The following GABRA2 variants were observed in gnomAD, a reference collection of about 807,000 sequenced individuals.
GABRA2 encodes the protein gamma-aminobutyric acid type A receptor subunit alpha2.
Under a neutral mutation model 48.7 loss-of-function variants are expected in GABRA2, and 16 were observed. The observed-to-expected ratio is 0.33, with a 90% CI of 0.22 to 0.50. The LOEUF (loss-of-function observed/expected upper bound fraction) is 0.50. GABRA2 is among the 20% of genes least tolerant of loss of function. GABRA2 has a pLI of 0.98. For synonymous variants in GABRA2, 185 were observed against 184.5 expected (o/e 1.00, Z -0.02); for missense variants, 275 against 535.6 (o/e 0.51, Z 4.80).
At chr4:46,383,189 ATATAT>A (rs1269869784) in intron 3 of GABRA2, among the ~76,000 whole-genome samples, 13 of 152,290 alleles carry the variant, frequency 8.5e-5, no homozygotes, top group Non-Finnish European at 1.3e-4. Context: ...AATTCATTGC[ATATAT>A]TATATTTAAT....
chr4:46,275,464 G>A (rs1159725265), intron 8 of GABRA2, among the ~76,000 whole-genome samples: 1 of 152,040 alleles, frequency 6.6e-6, no homozygotes, highest in Non-Finnish European at 1.5e-5. Context: ...GGACAAAGAT[G>A]GCAGACCAGG....
chr4:46,263,428 A>T (rs1717450734), intron 8 of GABRA2, among the ~76,000 whole-genome samples: 1 of 152,020 alleles, frequency 6.6e-6, no homozygotes, highest in Non-Finnish European at 1.5e-5. Context: ...GTAGATGTTC[A>T]CATTCATTCT....
At chr4:46,260,320 A>C (rs1451373651) in intron 9 of GABRA2, among the ~76,000 whole-genome samples, 1 of 151,906 alleles carries the variant, frequency 6.6e-6, no homozygotes, top group Non-Finnish European at 1.5e-5. Flanking sequence ...TTTGACATAG[A>C]TTTATCCTGG....
intron 7 of GABRA2, 48 bp downstream of exon 7, chr4:46,305,520 T>G: frequency 1.9e-6 from 3 of 1,559,738 alleles, no homozygotes; most frequent in Non-Finnish European, 2.6e-6. Flanking sequence ...TCCTTTAACC[T>G]ATTAATATTC....
At chr4:46,278,079 T>G (rs1436175808) in intron 8 of GABRA2, among the ~76,000 whole-genome samples, 4 of 152,148 alleles carry the variant, frequency 2.6e-5, no homozygotes, top group Non-Finnish European at 4.4e-5. Context: ...ATATGGAAAG[T>G]AGTTGAAACT....
intron 8 of GABRA2, among the ~76,000 whole-genome samples, chr4:46,284,869 CG>C (rs1722238417): frequency 6.6e-6 from 1 of 151,658 alleles, no homozygotes; most frequent in South Asian, 2.1e-4. Context: ...TTACCCACAA[CG>C]TAAAGCTTTG....
chr4:46,356,710 T>C (rs1185781558), intron 3 of GABRA2, among the ~76,000 whole-genome samples: 2 of 152,178 alleles, frequency 1.3e-5, no homozygotes, highest in Non-Finnish European at 2.9e-5. Context: ...GAACAAGACA[T>C]AACTGCTGTT....
intron 3 of GABRA2, chr4:46,366,439 A>G (rs1714050163): frequency 6.6e-6 from 1 of 152,158 alleles, no homozygotes; most frequent in South Asian, 2.1e-4. Flanking sequence ...TCCAAAGCAT[A>G]CATATACTCA....
chr4:46,389,047 T>C (rs3756007), intron 1 of GABRA2: 57,917 of 1,076,532 alleles, frequency 0.054, 2,153 homozygotes, highest in East Asian at 0.2. Flanking sequence ...CACGTAATAA[T>C]AACACCCTGG....
At chr4:46,271,951 C>A (rs983345766) in intron 8 of GABRA2, among the ~76,000 whole-genome samples, 3 of 151,698 alleles carry the variant, frequency 2.0e-5, no homozygotes, top group Admixed American at 1.3e-4. Flanking sequence ...TTTTCACTGT[C>A]CCTTGTTTAC....
At chr4:46,267,768 T>C (rs1370681057) in intron 8 of GABRA2, among the ~76,000 whole-genome samples, 1 of 152,058 alleles carries the variant, frequency 6.6e-6, no homozygotes. Flanking sequence ...ATTAGCTATT[T>C]TTATTCTTCC....
At position 46,243,976 on chromosome 4, in the gene GABRA2, T is replaced by C. The variant is rs950635333; in HGVS notation, c.*6332A>G. On this transcript the variant is annotated 3_prime_UTR_variant, in exon 10 of 10. Coordinates refer to ENST00000381620, the MANE Select transcript of GABRA2 (RefSeq NM_000807.4). ...ACTGGAAACATTTCATGAAAGGTGA[T>C]GTTCCTTAGTTTGAAGCACATCAAA... is the stretch of plus-strand genomic sequence containing the variant. The C allele has an allele frequency of 6.6e-6, 1 of 151,580 alleles. No individual in the cohort carries two copies. Among genetic ancestry groups the C allele is most frequent in the Non-Finnish European group, 1.5e-5 (1 of 67,638 alleles). 9.4% of individuals were successfully genotyped at this position (151,580 alleles called of 1,614,324 possible).
At chr4:46,337,615 G>A (rs1010087393) in intron 3 of GABRA2, among the ~76,000 whole-genome samples, 3 of 137,134 alleles carry the variant, frequency 2.2e-5, no homozygotes, top group African/African-American at 5.4e-5. Context: ...TGAAGATAGC[G>A]TATTCAGTTT....
chr4:46,313,426 G>A (rs771269961), intron 4 of GABRA2, among the ~76,000 whole-genome samples: 1 of 151,960 alleles, frequency 6.6e-6, no homozygotes, highest in Non-Finnish European at 1.5e-5. Flanking sequence ...CACCTTACAA[G>A]TTTTTAGAAT....
chr4:46,371,190 A>G (rs904289059), intron 3 of GABRA2, among the ~76,000 whole-genome samples: 5 of 152,158 alleles, frequency 3.3e-5, no homozygotes, highest in Admixed American at 1.3e-4. Flanking sequence ...TTTTTCACCA[A>G]TTTAGCATCC....
chr4:46,279,211 C>T (rs944524897), intron 8 of GABRA2, among the ~76,000 whole-genome samples: 1 of 152,018 alleles, frequency 6.6e-6, no homozygotes, highest in Non-Finnish European at 1.5e-5. Context: ...ACTCTGATTT[C>T]CTATGGCTAA....
At chr4:46,366,949 G>A (rs1445269266) in intron 3 of GABRA2, 1 of 152,004 alleles carries the variant, frequency 6.6e-6, no homozygotes, top group Admixed American at 6.6e-5. Flanking sequence ...TTGTTGTGGG[G>A]TTAGAAGGCA....
chr4:46,313,190 C>G (rs1010274573), intron 4 of GABRA2, among the ~76,000 whole-genome samples: 1 of 148,428 alleles, frequency 6.7e-6, no homozygotes, highest in Non-Finnish European at 1.5e-5. Context: ...AAAAACATAA[C>G]AGAAAAAATT....
intron 3 of GABRA2, among the ~76,000 whole-genome samples, chr4:46,372,488 T>TA (rs1053931301): frequency 2.6e-5 from 4 of 151,844 alleles, no homozygotes; most frequent in African/African-American, 4.8e-5. Flanking sequence ...GGAAGGTGAT[T>TA]AAAAAAAATA....
Sources: gnomAD v4.1 joint callset for allele counts (sites outside exome capture counted in the v4.1 genomes callset) on GRCh38, gnomAD v4.1.1 for gene constraint, MANE v1.5 for transcripts, NCBI Gene and HGNC (gene_info 2026-07-23, HGNC 2026-07-21) for gene names.